GTSE1: variants seen among roughly 807,000 people sequenced by gnomAD.
GTSE1 encodes the protein G2 and S-phase expressed 1.
A neutral mutation model predicts 60.5 loss-of-function variants in GTSE1; 52 were observed. The ratio of observed to expected loss-of-function variants is 0.86; its 90% CI spans 0.69 to 1.08. GTSE1 has a LOEUF of 1.08. Among genes scored for constraint, GTSE1 ranks in the 50% least tolerant of loss-of-function variants. The pLI, the probability that GTSE1 is intolerant of heterozygous loss-of-function variation, is 0.00. For synonymous variants in GTSE1, 368 were observed against 386.5 expected (o/e 0.95, Z 0.56); for missense variants, 937 against 961.8 (o/e 0.97, Z 0.34).
rs143560634 is a variant in GTSE1 at position 46,330,033 on chromosome 22, C to T, written c.2137-14C>T. On this transcript the variant is annotated splice_polypyrimidine_tract_variant and intron_variant, in intron 11 of 11. Transcript: ENST00000454366. The surrounding 1 kb of genome is among the most constrained non-coding windows in gnomAD (Gnocchi z 6.0). ...CGGATCCACGCTCACCTCCTCCACT[C>T]TGCTCTCTTCCAGCTCATAGACCTG... The T allele has an allele frequency of 6.4e-7, 1 of 1,562,804 alleles. No individual in the cohort carries two copies. The highest frequency in any genetic ancestry group is 8.8e-7 in the Non-Finnish European group (1 of 1,133,102).
intron 5 of GTSE1, 55 bp downstream of exon 5, chr22:46,312,360 G>C (rs1352010447): frequency 6.6e-7 from 1 of 1,505,846 alleles, no homozygotes; most frequent in African/African-American, 1.4e-5. Flanking sequence ...GGTGGCAGCT[G>C]TGTGTACAAG....
intron 2 of GTSE1, among the ~76,000 whole-genome samples, chr22:46,305,777 C>T (rs1036893883): frequency 4.6e-5 from 7 of 151,506 alleles, no homozygotes; most frequent in Admixed American, 3.3e-4. Context: ...TGTGGTGGCG[C>T]GCGCCTGTAA....
chr22:46,322,018 A>C (rs1385555797), intron 7 of GTSE1, among the ~76,000 whole-genome samples: 1 of 148,738 alleles, frequency 6.7e-6, no homozygotes, highest in African/African-American at 2.5e-5. Context: ...AGGTTGCGGT[A>C]AGCCGAGATC....
At position 46,324,590 on chromosome 22, in the gene GTSE1, A is replaced by G. The variant is rs2077833447; in HGVS notation, c.1505+1328A>G. 6.6e-6 allele frequency among the ~76,000 whole-genome samples: 1 copy of G among 152,196 alleles called. No individual in the cohort carries two copies. The highest frequency in any genetic ancestry group is 2.4e-5 in the African/African-American group (1 of 41,532). On this transcript the variant is annotated intron_variant, in intron 8 of 11. Transcript: ENST00000454366. This position sits in a 1 kb window ranked among gnomAD's most constrained non-coding sequence, Gnocchi z 5.2. The stretch of plus-strand genomic sequence containing the variant: ...CACCGTGTTAGCCAGGATGGTCTCG[A>G]TCTCCTGGCCTCGTGATCCACCAGC...
rs2147814446 is a variant in GTSE1 at position 46,304,715 on chromosome 22, A to T, written c.80-3435A>T. The stretch of plus-strand genomic sequence containing the variant: ...GATGTTAGGCCAGGTGTGGTAGCTC[A>T]TACCTGTAATCCCAGCACTTTGGGA... On this transcript the variant is annotated intron_variant, in intron 2 of 11. Coordinates refer to ENST00000454366, the MANE Select transcript of GTSE1 (RefSeq NM_016426.7). The surrounding 1 kb of genome is among the most constrained non-coding windows in gnomAD (Gnocchi z 4.4). 6.6e-6 allele frequency among the ~76,000 whole-genome samples: 1 copy of T among 152,344 alleles called. No homozygotes were observed. Among genetic ancestry groups the T allele is most frequent in the African/African-American group, 2.4e-5 (1 of 41,580 alleles).
chr22:46,316,238 C>T lies in GTSE1; in HGVS notation c.1258C>T (p.Gln420Ter). ...LTAPPSASPT[Q>*]PQTPEGGGQW... ...GGCACCCCCCTCAGCATCCCCCACC[C>T]AACCCCAGACTCCGGAAGGTGGCGG... The change falls in exon 7 of 12, where the codon CAA becomes TAA. Residue 420 changes from glutamine (Q) to a stop codon, truncating the protein, a stop_gained. Transcript: ENST00000454366. LOFTEE classifies it high-confidence loss of function. The surrounding 1 kb of genome is among the most constrained non-coding windows in gnomAD (Gnocchi z 5.0). The T allele has an allele frequency of 6.2e-7, 1 of 1,613,798 alleles. No homozygotes were observed. Among genetic ancestry groups the T allele is most frequent in the Non-Finnish European group, 8.5e-7 (1 of 1,179,992 alleles).
intron 2 of GTSE1, among the ~76,000 whole-genome samples, chr22:46,306,583 C>G (rs1045514320): frequency 6.6e-6 from 1 of 152,134 alleles, no homozygotes; most frequent in Non-Finnish European, 1.5e-5. Context: ...GAGGTTCAAG[C>G]AATTCTCCTG....
intron 8 of GTSE1, 78 bp from the exon 9 acceptor site, chr22:46,326,358 C>T (rs751662126): frequency 4.8e-6 from 6 of 1,240,518 alleles, no homozygotes; most frequent in African/African-American, 4.4e-5. Flanking sequence ...CTCAGCACTG[C>T]ATTAGCACAG....
chr22:46,302,022 G>A (rs1486596819), intron 2 of GTSE1, among the ~76,000 whole-genome samples: 1 of 152,132 alleles, frequency 6.6e-6, no homozygotes, highest in East Asian at 1.9e-4. Context: ...CTACTTGGGA[G>A]GCTAGGGCAG....
At chr22:46,303,886 G>A (rs12330075) in intron 2 of GTSE1, among the ~76,000 whole-genome samples, 1 of 152,118 alleles carries the variant, frequency 6.6e-6, no homozygotes, top group African/African-American at 2.4e-5. Flanking sequence ...CCATGGAGAC[G>A]AGCGGTGTTC....
Position 46,319,644 on chromosome 22 carries a change from T to G in GTSE1, c.1432+3232T>G, listed in dbSNP as rs2077801004. On this transcript the variant is annotated intron_variant, in intron 7 of 11. Coordinates refer to ENST00000454366, the MANE Select transcript of GTSE1 (RefSeq NM_016426.7). The surrounding 1 kb of genome is among the most constrained non-coding windows in gnomAD (Gnocchi z 5.0). ...GAGAGCTCAGAGGAGAAGCCACAGCTGGAGACCTCAGTGTAGGTTTCAACA... is the reference window on the plus strand; with the variant it reads ...GAGAGCTCAGAGGAGAAGCCACAGCGGGAGACCTCAGTGTAGGTTTCAACA... Among the ~76,000 whole-genome samples the G allele has an allele frequency of 6.6e-6, 1 of 152,116 alleles. No individual in the cohort carries two copies. The highest frequency in any genetic ancestry group is 2.1e-4 in the South Asian group (1 of 4,824).
rs747282189 is a variant in GTSE1 at position 46,328,771 on chromosome 22, G to A, written c.1808G>A (p.Arg603His). The change falls in exon 10 of 12, where the codon CGT (arginine) becomes CAT (histidine). Residue 603 changes from arginine to histidine, a missense_variant. Transcript: ENST00000454366. ...CCTGACAGGGGTTCTCCTCCTTCCCGTGTGCCTCAGGCACTTAACTTTTCT... is the reference window on the plus strand; with the variant it reads ...CCTGACAGGGGTTCTCCTCCTTCCCATGTGCCTCAGGCACTTAACTTTTCT... ...VSPDRGSPPS[R>H]VPQALNFSPE... The A allele has an allele frequency of 7.4e-6, 12 of 1,613,140 alleles. No homozygotes were observed. In the South Asian group the frequency reaches 1.1e-4, roughly 15 times the overall value.
rs531671052 is a variant in GTSE1, at chr22:46,330,104, G to A, written c.2194G>A (p.Val732Met). The change falls in exon 12 of 12, where the codon GTG becomes ATG. Residue 732 changes from valine to methionine, a missense_variant. Val to Met is a conservative substitution (Grantham distance 21). Coordinates refer to ENST00000454366, the MANE Select transcript of GTSE1 (RefSeq NM_016426.7). This position sits in a 1 kb window ranked among gnomAD's most constrained non-coding sequence, Gnocchi z 6.0. ...QLSPEADKEN[V>M]DSPLLKF Reference sequence around the variant, plus strand: ...GAGCCCTGAGGCTGACAAGGAGAACGTGGATTCCCCACTCCTCAAGTTCTA... The same window carrying A: ...GAGCCCTGAGGCTGACAAGGAGAACATGGATTCCCCACTCCTCAAGTTCTA... 25 of 1,607,592 alleles carry A rather than the reference G, an allele frequency of 1.6e-5. No individual in the cohort carries two copies. The East Asian group carries it at 4.9e-4, about 32-fold the overall frequency.
intron 9 of GTSE1, 144 bp downstream of exon 9, chr22:46,326,798 A>G (rs1478523680): frequency 3.4e-6 from 2 of 594,800 alleles, no homozygotes; most frequent in Admixed American, 3.5e-5. Flanking sequence ...TTTTCATTGC[A>G]AAGAGAAAAT....
chr22:46,298,266 C>A (rs1484656195), intron 2 of GTSE1, among the ~76,000 whole-genome samples: 1 of 151,522 alleles, frequency 6.6e-6, no homozygotes, highest in Non-Finnish European at 1.5e-5. Context: ...CCCAGCCTCA[C>A]AAAGCATTTT....
At chr22:46,311,651 T>C (rs1342334755) in intron 4 of GTSE1, among the ~76,000 whole-genome samples, 1 of 152,242 alleles carries the variant, frequency 6.6e-6, no homozygotes, top group Non-Finnish European at 1.5e-5. Flanking sequence ...TGAATGCCCT[T>C]GTCCCTAAAT....
In GTSE1 at chr22:46,330,181, C is replaced by T. The variant is rs1445092122; in HGVS notation, c.*51C>T. The T allele has an allele frequency of 9.1e-7, 1 of 1,095,222 alleles. No homozygotes were observed. The highest frequency in any genetic ancestry group is 1.4e-6 in the Non-Finnish European group (1 of 706,646). The allele number at this position is 1,095,222 out of a possible 1,614,324, so 67.8% of individuals were successfully genotyped here. A position where few individuals can be genotyped will look rare whatever the true frequency, so the allele number is the denominator to read the frequency against. On this transcript the variant is annotated 3_prime_UTR_variant, in exon 12 of 12. Transcript: ENST00000454366. This position sits in a 1 kb window ranked among gnomAD's most constrained non-coding sequence, Gnocchi z 6.0. Reference sequence around the variant, plus strand: ...AGAACAGCCCTAAAGTGGTTTTCAACCCTCAGAAACAAGCTTTAGGCTGGT... The same window carrying T: ...AGAACAGCCCTAAAGTGGTTTTCAATCCTCAGAAACAAGCTTTAGGCTGGT...
At chr22:46,301,014 C>T (rs897926160) in intron 2 of GTSE1, among the ~76,000 whole-genome samples, 1 of 152,188 alleles carries the variant, frequency 6.6e-6, no homozygotes, top group African/African-American at 2.4e-5. Context: ...CATGGAGAGC[C>T]CTGTCCTGAA....
rs941134462 is a variant in GTSE1 at position 46,324,169 on chromosome 22, C to T, written c.1505+907C>T. Among the ~76,000 whole-genome samples, 1 of 152,108 alleles carries T rather than the reference C, an allele frequency of 6.6e-6. No individual in the cohort carries two copies. The highest frequency in any genetic ancestry group is 2.4e-5 in the African/African-American group (1 of 41,436). ...TTTCCTCCTGTGTGAGCTTGAGACACGCTTCGCGAGGTCGAACTAGCCAGT... is the reference window on the plus strand; with the variant it reads ...TTTCCTCCTGTGTGAGCTTGAGACATGCTTCGCGAGGTCGAACTAGCCAGT... On this transcript the variant is annotated intron_variant, in intron 8 of 11. Coordinates refer to ENST00000454366, the MANE Select transcript of GTSE1 (RefSeq NM_016426.7). This position sits in a 1 kb window ranked among gnomAD's most constrained non-coding sequence, Gnocchi z 5.2.
Sources: allele counts gnomAD v4.1 joint callset (sites outside exome capture counted in the v4.1 genomes callset), GRCh38; gene constraint gnomAD v4.1.1; non-coding constraint Gnocchi (gnomAD v3.1); transcripts MANE v1.5; gene names NCBI Gene and HGNC (gene_info 2026-07-23, HGNC 2026-07-21).